Variants in SLC30A4 observed in about 807,000 individuals in gnomAD.
SLC30A4 encodes solute carrier family 30 member 4.
Under a neutral mutation model 41.7 loss-of-function variants are expected in SLC30A4, and 20 were observed. The observed-to-expected ratio is 0.48, with a 90% CI of 0.34 to 0.70. The LOEUF (loss-of-function observed/expected upper bound fraction) is 0.70, where lower values mean the gene tolerates loss of function less well. Ranked by LOEUF, SLC30A4 falls within the 30% of genes least tolerant of loss-of-function variation. SLC30A4 has a pLI of 0.01. For missense variants in SLC30A4, 441 were observed against 529.3 expected (o/e 0.83, Z 1.64); for synonymous variants, 181 against 195.9 (o/e 0.92, Z 0.64).
chr15:45,516,554 CT>C (rs113083795), intron 2 of SLC30A4, among the ~76,000 whole-genome samples: 12,849 of 151,980 alleles, frequency 0.085, 1,811 homozygotes, highest in African/African-American at 0.29. Context: ...GAATTTATAT[CT>C]TTTTTTAAAA....
rs1891634904 is a variant in SLC30A4, at chr15:45,483,356, T to A, written c.*1807A>T. On this transcript the variant is annotated 3_prime_UTR_variant, in exon 8 of 8. Coordinates refer to ENST00000261867, the MANE Select transcript of SLC30A4 (RefSeq NM_013309.6). ...TACTCTGATTCTTAGAGGAGCCCAATAACCATATCCATTCTTCGTGTAAGA... is the reference window on the plus strand; with the variant it reads ...TACTCTGATTCTTAGAGGAGCCCAAAAACCATATCCATTCTTCGTGTAAGA... 6.6e-6 allele frequency: 1 copy of A among 152,210 alleles called. No individual in the cohort carries two copies. Among genetic ancestry groups the A allele is most frequent in the African/African-American group, 2.4e-5 (1 of 41,456 alleles). 9.4% of individuals were successfully genotyped at this position (152,210 alleles called of 1,614,324 possible). A position where few individuals can be genotyped will look rare whatever the true frequency, so the allele number is the denominator to read the frequency against.
Position 45,480,038 on chromosome 15 carries a change from T to C in SLC30A4, c.*5125A>G, listed in dbSNP as rs1242109666. ...GAGAGAAGCATAAACTTTCCAAATA[T>C]ACAGTATCTTCCAGGTAGAAAGATG... On this transcript the variant is annotated 3_prime_UTR_variant, in exon 8 of 8. Transcript: ENST00000261867. 3 of 152,198 alleles carry C rather than the reference T, an allele frequency of 2.0e-5. No individual in the cohort carries two copies. The highest frequency in any genetic ancestry group is 2.9e-5 in the Non-Finnish European group (2 of 68,034). The allele number at this position is 152,198 out of a possible 1,614,324, so 9.4% of individuals were successfully genotyped here. A position where few individuals can be genotyped will look rare whatever the true frequency, so the allele number is the denominator to read the frequency against.
In SLC30A4 at chr15:45,484,546, A is replaced by G. The variant is rs1891661670; in HGVS notation, c.*617T>C. On this transcript the variant is annotated 3_prime_UTR_variant, in exon 8 of 8. Coordinates refer to ENST00000261867, the MANE Select transcript of SLC30A4 (RefSeq NM_013309.6). Reference sequence around the variant, plus strand: ...GAAAAATGTTAACTTTGAGATTCAAAACCCTGTAGCATCTGGAAAAGGTTG... The same window carrying G: ...GAAAAATGTTAACTTTGAGATTCAAGACCCTGTAGCATCTGGAAAAGGTTG... The G allele has an allele frequency of 2.0e-5, 3 of 152,236 alleles. No homozygotes were observed. The highest frequency in any genetic ancestry group is 7.2e-5 in the African/African-American group (3 of 41,466). 9.4% of individuals were successfully genotyped at this position (152,236 alleles called of 1,614,324 possible).
In SLC30A4 at chr15:45,489,437, G is replaced by C. The variant is rs149566832; in HGVS notation, c.693-395C>G. Among the ~76,000 whole-genome samples, 312 of 151,996 alleles carry C rather than the reference G, an allele frequency of 2.1e-3. 1 individual carries two copies. The highest frequency in any genetic ancestry group is 7.1e-3 in the African/African-American group (294 of 41,442). ...GAGCAAGTGGTGGAAGAGTGTTCTA[G>C]GCGGAAGAATAGCAGAGCAAAGGCC... On this transcript the variant is annotated intron_variant, in intron 4 of 7. Coordinates refer to ENST00000261867, the MANE Select transcript of SLC30A4 (RefSeq NM_013309.6).
At chr15:45,487,025 G>GA (rs377045070) in intron 6 of SLC30A4, among the ~76,000 whole-genome samples, 7,090 of 133,680 alleles carry the variant, frequency 0.053, 262 homozygotes, top group Non-Finnish European at 0.075. Context: ...GATAAACTAA[G>GA]AAAAAAAAAA....
At chr15:45,500,708 G>A (rs1407968965) in intron 3 of SLC30A4, among the ~76,000 whole-genome samples, 6 of 151,430 alleles carry the variant, frequency 4.0e-5, no homozygotes, top group Admixed American at 4.0e-4. Flanking sequence ...TTGAGACGGA[G>A]TTTCGCTCTT....
At chr15:45,487,911 AGTGTGTGT>A (rs145350286) in intron 5 of SLC30A4, among the ~76,000 whole-genome samples, 10 of 137,694 alleles carry the variant, frequency 7.3e-5, no homozygotes, top group Middle Eastern at 3.5e-3. Flanking sequence ...GAAAGAAGTA[AGTGTGTGT>A]GTGTGTGTGT....
chr15:45,505,481 C>T (rs138206146), intron 3 of SLC30A4, among the ~76,000 whole-genome samples: 262 of 152,234 alleles, frequency 1.7e-3, no homozygotes, highest in African/African-American at 6.1e-3. Flanking sequence ...TTTCTGCTTC[C>T]TCATGCAGAA....
chr15:45,487,789 T>C (rs951094629), intron 5 of SLC30A4, among the ~76,000 whole-genome samples, 157 bp from the exon 6 acceptor site: 3 of 152,194 alleles, frequency 2.0e-5, no homozygotes, highest in African/African-American at 7.2e-5. Flanking sequence ...GCATCTTCAC[T>C]CTATCCTAGA....
At chr15:45,522,582 AGGG>A (rs2140869729) in intron 1 of SLC30A4, 22 bp downstream of exon 1, 1 of 476,240 alleles carries the variant, frequency 2.1e-6, no homozygotes, top group African/African-American at 2.0e-5. Flanking sequence ...GGGCTCCGCG[AGGG>A]GGCGGCACAT....
At chr15:45,514,003 A>G (rs1245278830) in intron 2 of SLC30A4, 1 of 152,152 alleles carries the variant, frequency 6.6e-6, no homozygotes, top group Non-Finnish European at 1.5e-5. Context: ...AAAATTTCAC[A>G]ATGTCTACCC....
chr15:45,522,375 G>T lies in SLC30A4; in HGVS notation c.-21C>A. 1 of 1,577,994 alleles carries T rather than the reference G, an allele frequency of 6.3e-7. No homozygotes were observed. Among genetic ancestry groups the T allele is most frequent in the Non-Finnish European group, 8.6e-7 (1 of 1,165,214 alleles). ...GCCATGGCAGAGGCTGAGCGGCCGCGGTGCGGAACGGCTTGGGGGAGGCGG... is the reference window on the plus strand; with the variant it reads ...GCCATGGCAGAGGCTGAGCGGCCGCTGTGCGGAACGGCTTGGGGGAGGCGG... On this transcript the variant is annotated 5_prime_UTR_variant, in exon 2 of 8. Coordinates refer to ENST00000261867, the MANE Select transcript of SLC30A4 (RefSeq NM_013309.6).
intron 3 of SLC30A4, among the ~76,000 whole-genome samples, chr15:45,506,700 A>G (rs1438704271): frequency 6.6e-6 from 1 of 152,248 alleles, no homozygotes; most frequent in Non-Finnish European, 1.5e-5. Flanking sequence ...ATTTCAGAAT[A>G]CAAAACAACA....
At chr15:45,504,095 T>C (rs1892099607) in intron 3 of SLC30A4, among the ~76,000 whole-genome samples, 1 of 152,196 alleles carries the variant, frequency 6.6e-6, no homozygotes, top group Non-Finnish European at 1.5e-5. Flanking sequence ...CCAGAGTAAC[T>C]AAATAGACAG....
intron 4 of SLC30A4, among the ~76,000 whole-genome samples, chr15:45,489,832 G>A (rs1158019743): frequency 3.9e-5 from 6 of 151,928 alleles, no homozygotes; most frequent in African/African-American, 1.4e-4. Flanking sequence ...ACTAGGGCAG[G>A]GATTGGTAAA....
rs1311357042 is a variant in SLC30A4, at chr15:45,522,259, C to G, written c.96G>C (p.Ser32=). 6.2e-7 allele frequency: 1 copy of G among 1,614,184 alleles called. No individual in the cohort carries two copies. The highest frequency in any genetic ancestry group is 8.5e-7 in the Non-Finnish European group (1 of 1,180,032). Residue 32 remains serine, a synonymous_variant, in exon 2 of 8, where the codon TCG becomes TCC. Transcript: ENST00000261867. The stretch of plus-strand genomic sequence containing the variant: ...AAAGCCCCTCGTCCCCCGCCTCATC[C>G]GAGAAGTCAAAGGCGCTGGTGTCAT... ...FLNDTSAFDF[S]DEAGDEGLSR... is the part of the protein sequence containing the mutation.
intron 2 of SLC30A4, among the ~76,000 whole-genome samples, chr15:45,518,821 G>A (rs941528657): frequency 9.2e-5 from 14 of 152,014 alleles, no homozygotes; most frequent in Non-Finnish European, 1.6e-4. Flanking sequence ...GGCTCCCAAC[G>A]TGCTGGGATT....
intron 3 of SLC30A4, 51 bp downstream of exon 3, chr15:45,511,087 T>C (rs948640483): frequency 6.3e-6 from 9 of 1,427,998 alleles, no homozygotes; most frequent in Non-Finnish European, 7.8e-6. Flanking sequence ...TATAGTTCAT[T>C]GTGGTTTTAC....
intron 3 of SLC30A4, among the ~76,000 whole-genome samples, chr15:45,503,716 G>A (rs1892091131): frequency 1.3e-5 from 2 of 152,190 alleles, no homozygotes; most frequent in South Asian, 4.1e-4. Context: ...GGAGGCCGAG[G>A]TGGGCAGATC....
Sources: allele counts gnomAD v4.1 joint callset (sites outside exome capture counted in the v4.1 genomes callset), GRCh38; gene constraint gnomAD v4.1.1; transcripts MANE v1.5; gene names NCBI Gene and HGNC (gene_info 2026-07-23, HGNC 2026-07-21).